The following HPSE2 variants were observed in gnomAD, a reference collection of about 807,000 sequenced individuals.
HPSE2 encodes inactive heparanase-2.
HPSE2 carries 38 observed loss-of-function variants against 60.5 expected under a neutral mutation model. That is an observed-to-expected ratio of 0.63 (90% CI 0.48 to 0.82). HPSE2 has a LOEUF of 0.82. HPSE2 is among the 40% of genes least tolerant of loss of function. The probability of loss-of-function intolerance (pLI) is 0.00; values close to 1 mark genes in which losing one functional copy is unlikely to be tolerated. For synonymous variants in HPSE2, 295 were observed against 293.2 expected (o/e 1.01, Z -0.06); for missense variants, 713 against 740.4 (o/e 0.96, Z 0.43).
At chr10:99,114,434 C>T (rs11189974) in intron 3 of HPSE2, among the ~76,000 whole-genome samples, 1 of 152,248 alleles carries the variant, frequency 6.6e-6, no homozygotes, top group Admixed American at 6.5e-5. Context: ...AAAATGAATT[C>T]AAAGGACTTC....
intron 9 of HPSE2, among the ~76,000 whole-genome samples, chr10:98,490,939 T>C (rs1941622368): frequency 6.6e-6 from 1 of 152,268 alleles, no homozygotes; most frequent in Non-Finnish European, 1.5e-5. Context: ...TTGCATTTGC[T>C]ATTATCATAT....
chr10:99,057,662 T>C (rs1331181377), intron 3 of HPSE2, among the ~76,000 whole-genome samples: 2 of 152,182 alleles, frequency 1.3e-5, no homozygotes, highest in African/African-American at 4.8e-5. Flanking sequence ...CAGAAGCAGT[T>C]GCTTCCTCAG....
chr10:99,184,595 T>C (rs989054013), intron 2 of HPSE2, among the ~76,000 whole-genome samples: 3 of 137,194 alleles, frequency 2.2e-5, no homozygotes, highest in African/African-American at 8.6e-5. Flanking sequence ...ATATTACATA[T>C]GTTCAAGAAG....
chr10:98,459,452 T>C lies in HPSE2; in HGVS notation c.*122A>G. 9.2e-7 allele frequency: 1 copy of C among 1,081,136 alleles called. No individual in the cohort carries two copies. Among genetic ancestry groups the C allele is most frequent in the Non-Finnish European group, 1.4e-6 (1 of 698,072 alleles). The allele number at this position is 1,081,136 out of a possible 1,614,324, so 67.0% of individuals were successfully genotyped here. A position where few individuals can be genotyped will look rare whatever the true frequency, so the allele number is the denominator to read the frequency against. On this transcript the variant is annotated 3_prime_UTR_variant, in exon 12 of 12. Transcript: ENST00000370552. ...TCTTTGGAGAGCAAGTCTGTGTTGA[T>C]TCCAGCAGGATGGGGCAGCAGGGGC... is the stretch of plus-strand genomic sequence containing the variant.
At chr10:98,485,404 T>C (rs1941403331) in intron 10 of HPSE2, among the ~76,000 whole-genome samples, 2 of 152,200 alleles carry the variant, frequency 1.3e-5, no homozygotes, top group Non-Finnish European at 2.9e-5. Context: ...TGCCTGCATT[T>C]GTGTTCTGAT....
At chr10:99,291,096 A>G in the HPSE2 span, among the ~76,000 whole-genome samples, 1 of 152,220 alleles carries the variant, frequency 6.6e-6, no homozygotes, top group Non-Finnish European at 1.5e-5. Flanking sequence ...TGTCCCCAGA[A>G]AGAATACTGG....
At chr10:98,493,699 G>T (rs1041204587) in intron 9 of HPSE2, among the ~76,000 whole-genome samples, 1 of 152,106 alleles carries the variant, frequency 6.6e-6, no homozygotes, top group African/African-American at 2.4e-5. Flanking sequence ...GAATCTCTGT[G>T]CAGACAGCAT....
intron 3 of HPSE2, among the ~76,000 whole-genome samples, chr10:98,857,287 G>T (rs1952341505): frequency 6.6e-6 from 1 of 152,082 alleles, no homozygotes; most frequent in Non-Finnish European, 1.5e-5. Flanking sequence ...AGATAGACAG[G>T]AGTTCTTATC....
At chr10:98,708,695 G>A (rs972718302) in intron 5 of HPSE2, among the ~76,000 whole-genome samples, 2 of 152,076 alleles carry the variant, frequency 1.3e-5, no homozygotes, top group African/African-American at 2.4e-5. Context: ...CTTAGTTTGA[G>A]GAGGAAAAAA....
At chr10:99,146,333 A>G (rs1307333369) in intron 2 of HPSE2, among the ~76,000 whole-genome samples, 2 of 152,170 alleles carry the variant, frequency 1.3e-5, no homozygotes, top group Non-Finnish European at 2.9e-5. Flanking sequence ...AAACTACACT[A>G]TACAATTTCC....
intron 6 of HPSE2, among the ~76,000 whole-genome samples, chr10:98,654,498 A>T (rs747585384): frequency 6.6e-6 from 1 of 152,202 alleles, no homozygotes; most frequent in African/African-American, 2.4e-5. Context: ...CATCAGCTGT[A>T]TCCAGTCTAC....
chr10:99,228,859 G>A (rs1417181517), intron 2 of HPSE2, among the ~76,000 whole-genome samples: 2 of 152,102 alleles, frequency 1.3e-5, no homozygotes, highest in Admixed American at 1.3e-4. Context: ...ATTAATTCAT[G>A]GGAAAACAAG....
chr10:99,068,559 C>G (rs1481762810), intron 3 of HPSE2, among the ~76,000 whole-genome samples: 1 of 152,140 alleles, frequency 6.6e-6, no homozygotes, highest in African/African-American at 2.4e-5. Context: ...CAATTATCTC[C>G]ACCTGGCCCC....
intron 3 of HPSE2, among the ~76,000 whole-genome samples, chr10:98,970,311 G>A (rs934546049): frequency 2.0e-5 from 3 of 152,072 alleles, no homozygotes; most frequent in Non-Finnish European, 2.9e-5. Flanking sequence ...CAGAGCAAGA[G>A]GTCACTTTTC....
chr10:99,108,822 A>G (rs768152440), intron 3 of HPSE2, among the ~76,000 whole-genome samples: 8 of 152,202 alleles, frequency 5.3e-5, no homozygotes, highest in Non-Finnish European at 7.3e-5. Flanking sequence ...CACATTTTCA[A>G]TAAAATTTAA....
rs528712303 is a variant in HPSE2 at position 98,736,228 on chromosome 10, C to T, written c.784+7655G>A. Among the ~76,000 whole-genome samples, 26 of 130,480 alleles carry T rather than the reference C, an allele frequency of 2.0e-4. No individual in the cohort carries two copies. In the East Asian group the frequency reaches 5.2e-3, roughly 26 times the overall value. The allele number at this position is 130,480 out of a possible 152,430, so 85.6% of individuals were successfully genotyped here. A position where few individuals can be genotyped will look rare whatever the true frequency, so the allele number is the denominator to read the frequency against. On this transcript the variant is annotated intron_variant, in intron 4 of 11. Transcript: ENST00000370552. ...CTTTTGCTTGGTTTTTTTTTTTATT[C>T]AGTTCTGGCTGCTGCCATTTAAGAC...
intron 3 of HPSE2, among the ~76,000 whole-genome samples, chr10:98,946,049 G>A (rs922373999): frequency 7.2e-5 from 11 of 151,778 alleles, no homozygotes; most frequent in African/African-American, 1.7e-4. Context: ...GTGTAGCCTA[G>A]AAATATCAAA....
intron 6 of HPSE2, among the ~76,000 whole-genome samples, chr10:98,681,096 C>CT (rs1947776202): frequency 6.6e-6 from 1 of 151,166 alleles, no homozygotes; most frequent in African/African-American, 2.4e-5. Flanking sequence ...AATGGAATAA[C>CT]TTTTTCACTT....
At chr10:99,021,560 C>A (rs1957263403) in intron 3 of HPSE2, among the ~76,000 whole-genome samples, 4 of 150,650 alleles carry the variant, frequency 2.7e-5, no homozygotes, top group Admixed American at 2.6e-4. Flanking sequence ...TATGACACAA[C>A]AGCAAATAAG....
Sources: gnomAD v4.1 joint callset for allele counts (sites outside exome capture counted in the v4.1 genomes callset) on GRCh38, gnomAD v4.1.1 for gene constraint, MANE v1.5 for transcripts, NCBI Gene and HGNC (gene_info 2026-07-23, HGNC 2026-07-21) for gene names.